NTNG1: variants seen among roughly 807,000 people sequenced by gnomAD.
NTNG1 encodes the protein netrin-G1.
In NTNG1, 16 loss-of-function variants were observed where a neutral mutation model predicts 54.0. The observed-to-expected ratio is 0.30, with a 90% CI of 0.20 to 0.45. The LOEUF (loss-of-function observed/expected upper bound fraction) is 0.45, where lower values mean the gene tolerates loss of function less well. Ranked by LOEUF, NTNG1 falls within the 20% of genes least tolerant of loss-of-function variation. The pLI, the probability that NTNG1 is intolerant of heterozygous loss-of-function variation, is 1.00. For synonymous variants in NTNG1, 255 were observed against 263.1 expected, an observed-to-expected ratio of 0.97 and a Z score of 0.30; for missense variants, 530 against 678.7, an observed-to-expected ratio of 0.78 and a Z score of 2.43.
intron 3 of NTNG1, among the ~76,000 whole-genome samples, chr1:107,348,501 T>A (rs1034505233): frequency 6.6e-6 from 1 of 152,154 alleles, no homozygotes; most frequent in Admixed American, 6.6e-5. Flanking sequence ...CCTTAAATTA[T>A]TTCATTTTTA....
chr1:107,174,464 T>C (rs1465232400), intron 2 of NTNG1, among the ~76,000 whole-genome samples: 1 of 152,094 alleles, frequency 6.6e-6, no homozygotes, highest in African/African-American at 2.4e-5. Flanking sequence ...TTTTGAAAGT[T>C]CTTTTGTTCT....
At chr1:107,439,290 G>GTGTGTGTGTGTGTGTA (rs1675808618) in intron 7 of NTNG1, among the ~76,000 whole-genome samples, 1 of 151,642 alleles carries the variant, frequency 6.6e-6, no homozygotes, top group South Asian at 2.1e-4. Flanking sequence ...GTGTGTGTGT[G>GTGTGTGTGTGTGTGTA]TGTGTGTGTG....
At chr1:107,372,734 G>A (rs1466094611) in intron 3 of NTNG1, among the ~76,000 whole-genome samples, 2 of 152,044 alleles carry the variant, frequency 1.3e-5, no homozygotes, top group African/African-American at 4.8e-5. Flanking sequence ...CAATTACTGA[G>A]AAAGGACTAT....
rs1676211347 is a variant in NTNG1 at position 107,444,861 on chromosome 1, A to G, written c.1390+8062A>G. Among the ~76,000 whole-genome samples, 3 of 152,088 alleles carry G rather than the reference A, an allele frequency of 2.0e-5. No individual in the cohort carries two copies. The South Asian group carries it at 6.2e-4, about 32-fold the overall frequency. ...GATAAGAAGGCCAAGTGGTAATACA[A>G]TATGTGAAGCTCTTTTCTTACGTAA... On this transcript the variant is annotated intron_variant, in intron 7 of 7. Coordinates refer to ENST00000370068, the MANE Select transcript of NTNG1 (RefSeq NM_001113226.3).
intron 3 of NTNG1, among the ~76,000 whole-genome samples, chr1:107,326,907 T>C (rs564859395): frequency 1.3e-5 from 2 of 152,304 alleles, no homozygotes; most frequent in East Asian, 1.9e-4. Context: ...CATTCTCCAC[T>C]GATGTCAAGC....
intron 5 of NTNG1, among the ~76,000 whole-genome samples, chr1:107,422,427 T>C (rs1674629201): frequency 6.6e-6 from 1 of 151,994 alleles, no homozygotes; most frequent in African/African-American, 2.4e-5. Flanking sequence ...CCTCTGAACC[T>C]GGAATTTGAA....
At chr1:107,178,965 A>C (rs1413709950) in intron 2 of NTNG1, among the ~76,000 whole-genome samples, 1 of 152,134 alleles carries the variant, frequency 6.6e-6, no homozygotes, top group Non-Finnish European at 1.5e-5. Flanking sequence ...CGCTGCTTGG[A>C]CATAGCATAT....
At position 107,332,837 on chromosome 1, in the gene NTNG1, T is replaced by G. The variant is rs79927664; in HGVS notation, c.887+7915T>G. Among the ~76,000 whole-genome samples, 1,513 of 152,202 alleles carry G rather than the reference T, an allele frequency of 9.9e-3. 27 individuals carry two copies. Among genetic ancestry groups the G allele is most frequent in the African/African-American group, 0.035 (1,455 of 41,548 alleles). On this transcript the variant is annotated intron_variant, in intron 3 of 7. Transcript: ENST00000370068. ...GTATATTAGTTTAACCAGAAATGAC[T>G]GCACTGCATAAAAACTCATGGTTAC...
intron 7 of NTNG1, among the ~76,000 whole-genome samples, chr1:107,467,893 A>C (rs1436761999): frequency 6.6e-6 from 1 of 152,216 alleles, no homozygotes; most frequent in Non-Finnish European, 1.5e-5. Context: ...GGCTCCTGTC[A>C]TCATTTTGCA....
chr1:107,357,171 T>C (rs993752651), intron 3 of NTNG1, among the ~76,000 whole-genome samples: 1 of 152,208 alleles, frequency 6.6e-6, no homozygotes, highest in Non-Finnish European at 1.5e-5. Context: ...ATTGTGTCCA[T>C]GGATTCTTTC....
At chr1:107,437,227 C>T (rs1262851827) in intron 7 of NTNG1, among the ~76,000 whole-genome samples, 2 of 152,208 alleles carry the variant, frequency 1.3e-5, no homozygotes, top group Non-Finnish European at 2.9e-5. Context: ...CCCTTGCTAT[C>T]ATACCCATCA....
rs182496692 is a variant in NTNG1 at position 107,246,714 on chromosome 1, G to A, written c.247-77568G>A. The stretch of plus-strand genomic sequence containing the variant: ...TTTGCAATCTCAGAGCCCCTGTATA[G>A]TAAGTTATAAAAAATGTAAATATAA... On this transcript the variant is annotated intron_variant, in intron 2 of 7. Transcript: ENST00000370068. Among the ~76,000 whole-genome samples the A allele has an allele frequency of 2.0e-4, 31 of 152,198 alleles. 1 individual carries two copies. The highest frequency in any genetic ancestry group is 8.3e-4 in the South Asian group (4 of 4,824).
intron 2 of NTNG1, among the ~76,000 whole-genome samples, chr1:107,175,914 T>C (rs2101110958): frequency 2.0e-5 from 3 of 152,268 alleles, no homozygotes; most frequent in Middle Eastern, 6.8e-3. Context: ...GGATCATAAG[T>C]AGTTTTAGTG....
At chr1:107,429,642 A>G (rs912917858) in intron 5 of NTNG1, among the ~76,000 whole-genome samples, 9 of 152,266 alleles carry the variant, frequency 5.9e-5, no homozygotes, top group African/African-American at 1.7e-4. Context: ...ATATTTTTAA[A>G]CAAACAAAAT....
intron 7 of NTNG1, among the ~76,000 whole-genome samples, chr1:107,469,687 C>A (rs1677857048): frequency 1.3e-5 from 2 of 152,174 alleles, no homozygotes; most frequent in Middle Eastern, 6.8e-3. Flanking sequence ...CTCCTGAGCT[C>A]AAGTGACCCT....
intron 2 of NTNG1, among the ~76,000 whole-genome samples, chr1:107,284,086 C>T (rs768648810): frequency 6.6e-6 from 1 of 152,070 alleles, no homozygotes; most frequent in African/African-American, 2.4e-5. Flanking sequence ...GTATACTTAT[C>T]TCCTTTTTTG....
In NTNG1 at chr1:107,148,652, T is replaced by C; in HGVS notation, c.59T>C (p.Met20Thr). The C allele has an allele frequency of 6.2e-7, 1 of 1,613,222 alleles. No homozygotes were observed. Among genetic ancestry groups the C allele is most frequent in the Non-Finnish European group, 8.5e-7 (1 of 1,179,206 alleles). ...CTTTGGGTTACGGTGTCCTCAGTGA[T>C]GCAGCCCTACCCTTTGGTTTGGGGA... The part of the protein sequence containing the change: ...HALWVTVSSV[M>T]QPYPLVWGHY... The change falls in exon 2 of 8, where the codon ATG becomes ACG. Residue 20 changes from methionine (M) to threonine (T), a missense_variant. Around this residue, in one of 2 missense-constraint regions of NTNG1, gnomAD observed 318 missense variants for 465.1 expected, o/e 0.68. Transcript: ENST00000370068.
chr1:107,319,865 TTA>T (rs1553225209), intron 2 of NTNG1, among the ~76,000 whole-genome samples: 40 of 147,858 alleles, frequency 2.7e-4, no homozygotes, highest in African/African-American at 3.5e-4. Flanking sequence ...TACCTGAGGT[TTA>T]TATATATATA....
At chr1:107,415,558 G>A (rs1465445557) in intron 5 of NTNG1, among the ~76,000 whole-genome samples, 2 of 152,092 alleles carry the variant, frequency 1.3e-5, no homozygotes, top group African/African-American at 2.4e-5. Flanking sequence ...GTGGCGGAAC[G>A]GGGATCAGAC....
Sources: gnomAD v4.1 joint callset for allele counts (sites outside exome capture counted in the v4.1 genomes callset) on GRCh38, gnomAD v4.1.1 for gene constraint, gnomAD v4.1.1 regional missense constraint, MANE v1.5 for transcripts, NCBI Gene and HGNC (gene_info 2026-07-23, HGNC 2026-07-21) for gene names.